Variants in TMEM161B observed in about 807,000 individuals in gnomAD.
TMEM161B encodes transmembrane protein 161B.
Under a neutral mutation model 61.8 loss-of-function variants are expected in TMEM161B, and 34 were observed. The ratio of observed to expected loss-of-function variants is 0.55; its 90% CI spans 0.42 to 0.73. TMEM161B has a LOEUF of 0.73. Among genes scored for constraint, TMEM161B ranks in the 30% least tolerant of loss-of-function variants. The pLI is 0.00. For missense variants in TMEM161B, 456 were observed against 558.5 expected (o/e 0.82, Z 1.85); for synonymous variants, 167 against 192.8 (o/e 0.87, Z 1.11).
Position 88,257,019 on chromosome 5 carries a change from TA to T in TMEM161B, c.3+11701del, listed in dbSNP as rs1292152740. Among the ~76,000 whole-genome samples the T allele has an allele frequency of 1.1e-4, 17 of 152,320 alleles. No homozygotes were observed. The Middle Eastern group carries it at 0.014, about 122-fold the overall frequency. Reference sequence around the variant, plus strand: ...GACCAGGTGCAGTGGCTAAAGCCTGTAATCTCAGGGCTTTGGAGGCAGGCAG... The same window carrying T: ...GACCAGGTGCAGTGGCTAAAGCCTGTATCTCAGGGCTTTGGAGGCAGGCAG... On this transcript the variant is annotated intron_variant, in intron 1 of 11. Coordinates refer to ENST00000296595, the MANE Select transcript of TMEM161B (RefSeq NM_153354.5).
At chr5:88,190,377 A>G, downstream of TMEM161B, 3 of 649,062 alleles carry the variant, frequency 4.6e-6, no homozygotes, top group Middle Eastern at 8.1e-4. Context: ...GGGTGGTTTC[A>G]TGCACAGCCA....
At chr5:88,248,209 G>A (rs1338500189) in intron 1 of TMEM161B, among the ~76,000 whole-genome samples, 1 of 151,986 alleles carries the variant, frequency 6.6e-6, no homozygotes, top group African/African-American at 2.4e-5. Flanking sequence ...TAACTGCAAG[G>A]ACATTTTTCC....
intron 1 of TMEM161B, among the ~76,000 whole-genome samples, chr5:88,258,355 A>G (rs1755261362): frequency 6.6e-6 from 1 of 152,198 alleles, no homozygotes; most frequent in South Asian, 2.1e-4. Context: ...ACTGTCTAGT[A>G]ATAACTGATA....
chr5:88,267,039 G>T (rs774746388), intron 1 of TMEM161B, among the ~76,000 whole-genome samples: 22 of 152,158 alleles, frequency 1.4e-4, no homozygotes, highest in Admixed American at 3.3e-4. Context: ...GCTTTTCTGT[G>T]ACTATGATGA....
chr5:88,244,742 A>G (rs890703785), intron 1 of TMEM161B, among the ~76,000 whole-genome samples: 1 of 151,852 alleles, frequency 6.6e-6, no homozygotes, highest in African/African-American at 2.4e-5. Context: ...CAGTATGGCC[A>G]TTTGGACAAT....
At chr5:88,190,627 G>A (rs947498936), downstream of TMEM161B, among the ~76,000 whole-genome samples, 2 of 152,228 alleles carry the variant, frequency 1.3e-5, no homozygotes, top group Non-Finnish European at 2.9e-5. Flanking sequence ...ACCCACCAAG[G>A]TGGAAGCTCG....
intron 2 of TMEM161B, among the ~76,000 whole-genome samples, chr5:88,236,528 A>G (rs988806811): frequency 6.6e-6 from 1 of 152,214 alleles, no homozygotes; most frequent in African/African-American, 2.4e-5. Flanking sequence ...TATATGGGAC[A>G]TGATAAGAAC....
In TMEM161B at chr5:88,244,131, A is replaced by T. The variant is rs115079506; in HGVS notation, c.4-3215T>A. ...TTACTGTGCAGAAGCTCTTTAAAAGAGTATAATTAGGTCCCATCTGCCAAT... is the reference window on the plus strand; with the variant it reads ...TTACTGTGCAGAAGCTCTTTAAAAGTGTATAATTAGGTCCCATCTGCCAAT... On this transcript the variant is annotated intron_variant, in intron 1 of 11. Coordinates refer to ENST00000296595, the MANE Select transcript of TMEM161B (RefSeq NM_153354.5). Among the ~76,000 whole-genome samples the T allele has an allele frequency of 4.6e-3, 706 of 151,932 alleles. 11 individuals are homozygous for T. Among genetic ancestry groups the T allele is most frequent in the African/African-American group, 0.016 (680 of 41,492 alleles).
downstream of TMEM161B, among the ~76,000 whole-genome samples, chr5:88,194,748 A>G (rs1030970676): frequency 2.0e-5 from 3 of 152,154 alleles, no homozygotes; most frequent in South Asian, 4.1e-4. Flanking sequence ...TTCCAAAAGA[A>G]GAGTTTCAAA....
intron 9 of TMEM161B, 81 bp from the exon 10 acceptor site, chr5:88,199,231 TA>T: frequency 7.3e-7 from 1 of 1,369,870 alleles, no homozygotes; most frequent in Non-Finnish European, 9.8e-7. Context: ...GGTCACCATA[TA>T]AGATATAAGA....
chr5:88,190,058 A>C (rs920217578), downstream of TMEM161B: 7 of 699,990 alleles, frequency 1.0e-5, no homozygotes, highest in Non-Finnish European at 1.8e-5. Context: ...GATCTCAAAG[A>C]AGCACATGGG....
intron 4 of TMEM161B, among the ~76,000 whole-genome samples, chr5:88,225,483 A>G (rs1020903329): frequency 6.6e-6 from 1 of 152,200 alleles, no homozygotes; most frequent in Non-Finnish European, 1.5e-5. Context: ...AAACAGTAAA[A>G]GGAAGTCTAG....
intron 1 of TMEM161B, among the ~76,000 whole-genome samples, chr5:88,244,365 A>T (rs757716584): frequency 9.2e-5 from 14 of 151,796 alleles, no homozygotes; most frequent in Non-Finnish European, 8.8e-5. Context: ...CTTGCCAGTT[A>T]TCCCAGTACG....
chr5:88,211,430 A>C (rs1293775870), intron 5 of TMEM161B, among the ~76,000 whole-genome samples: 2 of 150,992 alleles, frequency 1.3e-5, no homozygotes, highest in African/African-American at 4.8e-5. Flanking sequence ...AAAAAAAGTC[A>C]AAAGTTCCAT....
At chr5:88,250,255 T>C (rs1344754827) in intron 1 of TMEM161B, among the ~76,000 whole-genome samples, 1 of 152,002 alleles carries the variant, frequency 6.6e-6, no homozygotes, top group Non-Finnish European at 1.5e-5. Context: ...TCTTACCTTT[T>C]TGTTAGCTTG....
chr5:88,268,745 AC>A lies in TMEM161B; in HGVS notation c.-23del. 1 of 1,613,970 alleles carries A rather than the reference AC, an allele frequency of 6.2e-7. No individual in the cohort carries two copies. The highest frequency in any genetic ancestry group is 8.5e-7 in the Non-Finnish European group (1 of 1,179,952). ...CCATGGCGCCTAGGATAGGTCGTGG[AC>A]CAGACACCCTGGAGTTGCCGGGGCA... On this transcript the variant is annotated 5_prime_UTR_variant, in exon 1 of 12. Coordinates refer to ENST00000296595, the MANE Select transcript of TMEM161B (RefSeq NM_153354.5).
intron 5 of TMEM161B, among the ~76,000 whole-genome samples, chr5:88,208,425 T>G (rs1450979099): frequency 1.3e-5 from 2 of 151,234 alleles, no homozygotes; most frequent in Non-Finnish European, 2.9e-5. Context: ...GAGCTTGCAG[T>G]GAGCTGAGAT....
At chr5:88,222,846 C>T (rs1447725839) in intron 4 of TMEM161B, among the ~76,000 whole-genome samples, 2 of 152,008 alleles carry the variant, frequency 1.3e-5, no homozygotes, top group East Asian at 3.9e-4. Context: ...ATCAATAATA[C>T]AATTATATAT....
intron 5 of TMEM161B, among the ~76,000 whole-genome samples, chr5:88,215,502 A>AC (rs1747667173): frequency 6.6e-6 from 1 of 151,628 alleles, no homozygotes; most frequent in Non-Finnish European, 1.5e-5. Flanking sequence ...TTGAACAAAA[A>AC]AAAAATCACA....
Sources: gnomAD v4.1 joint callset for allele counts (sites outside exome capture counted in the v4.1 genomes callset) on GRCh38, gnomAD v4.1.1 for gene constraint, MANE v1.5 for transcripts, NCBI Gene and HGNC (gene_info 2026-07-23, HGNC 2026-07-21) for gene names.